The following ARHGAP10 variants were observed in gnomAD, a reference collection of about 807,000 sequenced individuals.
The protein encoded by ARHGAP10 is Rho GTPase activating protein 10.
ARHGAP10 carries 87 observed loss-of-function variants against 108.6 expected under a neutral mutation model. The ratio of observed to expected loss-of-function variants is 0.80; its 90% CI spans 0.67 to 0.96. ARHGAP10 has a LOEUF of 0.96. ARHGAP10 is among the 40% of genes least tolerant of loss of function. ARHGAP10 has a pLI of 0.00. For synonymous variants in ARHGAP10, 347 were observed against 341.1 expected, an observed-to-expected ratio of 1.02 and a Z score of -0.19; for missense variants, 939 against 954.5, an observed-to-expected ratio of 0.98 and a Z score of 0.21.
chr4:147,733,498 C>T (rs1474579587), intron 1 of ARHGAP10, among the ~76,000 whole-genome samples: 2 of 152,100 alleles, frequency 1.3e-5, no homozygotes. Flanking sequence ...GTTCTTAGGG[C>T]CTTCATCACT....
intron 18 of ARHGAP10, among the ~76,000 whole-genome samples, chr4:148,014,430 T>C (rs1741276144): frequency 6.6e-6 from 1 of 152,194 alleles, no homozygotes; most frequent in African/African-American, 2.4e-5. Flanking sequence ...ATTTTATAAT[T>C]GGGGATATAT....
chr4:147,890,781 C>T (rs1735768407), intron 10 of ARHGAP10, among the ~76,000 whole-genome samples: 2 of 152,052 alleles, frequency 1.3e-5, no homozygotes, highest in African/African-American at 4.8e-5. Context: ...GAGCTGAGAT[C>T]ACGCCATTGG....
intron 1 of ARHGAP10, among the ~76,000 whole-genome samples, chr4:147,794,136 G>A (rs1486829297): frequency 6.6e-6 from 1 of 152,124 alleles, no homozygotes; most frequent in East Asian, 1.9e-4. Flanking sequence ...AATTATGGTG[G>A]AAAGTGCAAA....
At chr4:147,800,450 TGTTGGTGGGGCTTTAG>T (rs1253161737) in intron 1 of ARHGAP10, among the ~76,000 whole-genome samples, 1 of 152,100 alleles carries the variant, frequency 6.6e-6, no homozygotes, top group Non-Finnish European at 1.5e-5. Flanking sequence ...CCCTAGTTAT[TGTTGGTGGGGCTTTAG>T]GTTGGTCCTT....
At chr4:147,772,246 A>T (rs1464024376) in intron 1 of ARHGAP10, among the ~76,000 whole-genome samples, 1 of 152,192 alleles carries the variant, frequency 6.6e-6, no homozygotes, top group East Asian at 1.9e-4. Context: ...ACTTCTCTAG[A>T]TAAGAGCAGT....
intron 4 of ARHGAP10, among the ~76,000 whole-genome samples, chr4:147,849,035 T>C (rs548656074): frequency 6.6e-6 from 1 of 152,332 alleles, no homozygotes; most frequent in South Asian, 2.1e-4. Context: ...CAGTACAGTA[T>C]GTGTGTTGAC....
At chr4:147,947,265 G>C (rs1272355398) in intron 15 of ARHGAP10, among the ~76,000 whole-genome samples, 6 of 137,308 alleles carry the variant, frequency 4.4e-5, no homozygotes, top group Non-Finnish European at 9.3e-5. Flanking sequence ...AGAACTTAAT[G>C]ATAAGCTCAG....
intron 18 of ARHGAP10, among the ~76,000 whole-genome samples, chr4:147,985,426 C>G (rs1740001510): frequency 6.6e-6 from 1 of 152,146 alleles, no homozygotes; most frequent in African/African-American, 2.4e-5. Context: ...ACATGCAAAC[C>G]AGTTCCAGGC....
At chr4:147,870,801 G>A (rs77349773) in intron 7 of ARHGAP10, among the ~76,000 whole-genome samples, 7 of 152,158 alleles carry the variant, frequency 4.6e-5, no homozygotes, top group Admixed American at 4.6e-4. Context: ...GAAATACAGT[G>A]TGCAAAATTT....
chr4:147,892,920 C>G (rs1217864069), intron 10 of ARHGAP10, among the ~76,000 whole-genome samples: 1 of 152,180 alleles, frequency 6.6e-6, no homozygotes, highest in African/African-American at 2.4e-5. Context: ...CTGCTGAACA[C>G]CCTCCAGGGC....
At chr4:148,033,515 T>C (rs776745947) in intron 19 of ARHGAP10, among the ~76,000 whole-genome samples, 1 of 152,106 alleles carries the variant, frequency 6.6e-6, no homozygotes, top group Non-Finnish European at 1.5e-5. Context: ...TATCCTTAGG[T>C]GGTTAGAGTT....
In ARHGAP10 at chr4:147,972,394, TTA is replaced by T. The variant is rs1424749109; in HGVS notation, c.1716+5557_1716+5558del. Among the ~76,000 whole-genome samples, 20 of 152,338 alleles carry T rather than the reference TTA, an allele frequency of 1.3e-4. No individual in the cohort carries two copies. In the East Asian group the frequency reaches 3.9e-3, roughly 29 times the overall value. ...AGTATCCCTGTATGGGTGAAAATTC[TTA>T]TGTATATTATCTCTTTATACATCTG... On this transcript the variant is annotated intron_variant, in intron 18 of 22. Coordinates refer to ENST00000336498, the MANE Select transcript of ARHGAP10 (RefSeq NM_024605.4).
At chr4:147,914,567 C>T (rs115325027) in intron 13 of ARHGAP10, among the ~76,000 whole-genome samples, 1,142 of 49,906 alleles carry the variant, frequency 0.023, 31 homozygotes, top group Middle Eastern at 0.045. Context: ...CCCCCCCCCC[C>T]CTTTTTTTTT....
At chr4:147,975,669 A>C (rs572736481) in intron 18 of ARHGAP10, among the ~76,000 whole-genome samples, 1 of 152,166 alleles carries the variant, frequency 6.6e-6, no homozygotes, top group Non-Finnish European at 1.5e-5. Context: ...TTACAAACCT[A>C]TGCCTGAGAT....
At chr4:147,957,198 C>T (rs748469616) in intron 16 of ARHGAP10, among the ~76,000 whole-genome samples, 1 of 152,046 alleles carries the variant, frequency 6.6e-6, no homozygotes, top group South Asian at 2.1e-4. Context: ...ACCTAAGTGC[C>T]GTTGTGGTTG....
chr4:148,052,894 C>G (rs1413297838), intron 20 of ARHGAP10, among the ~76,000 whole-genome samples: 1 of 152,050 alleles, frequency 6.6e-6, no homozygotes, highest in Admixed American at 6.6e-5. Context: ...GCTCCTTCCC[C>G]TACCTCTTGG....
chr4:147,961,654 TCC>T (rs1739003069), intron 16 of ARHGAP10, among the ~76,000 whole-genome samples: 1 of 152,050 alleles, frequency 6.6e-6, no homozygotes, highest in Non-Finnish European at 1.5e-5. Flanking sequence ...TGTTCTGAAA[TCC>T]CACTCTTCTC....
At chr4:147,930,464 A>C (rs1403210406) in intron 13 of ARHGAP10, among the ~76,000 whole-genome samples, 1 of 152,188 alleles carries the variant, frequency 6.6e-6, no homozygotes, top group Non-Finnish European at 1.5e-5. Context: ...ACTGCCCCTG[A>C]AGCTGAAAAG....
intron 18 of ARHGAP10, among the ~76,000 whole-genome samples, chr4:148,002,877 T>C (rs1045405837): frequency 2.0e-5 from 3 of 152,204 alleles, no homozygotes; most frequent in Admixed American, 6.5e-5. Flanking sequence ...CCTGGATTCA[T>C]TGATTTTTTT....
Sources: allele counts gnomAD v4.1 joint callset (sites outside exome capture counted in the v4.1 genomes callset), GRCh38; gene constraint gnomAD v4.1.1; transcripts MANE v1.5; gene names NCBI Gene and HGNC (gene_info 2026-07-23, HGNC 2026-07-21).